Variants in GPC5 observed in about 807,000 individuals in gnomAD.
The protein encoded by GPC5 is glypican-5.
In GPC5, 47 loss-of-function variants were observed where a neutral mutation model predicts 53.9. The ratio of observed to expected loss-of-function variants is 0.87; its 90% CI spans 0.69 to 1.11. The LOEUF (loss-of-function observed/expected upper bound fraction) is 1.11. Among genes scored for constraint, GPC5 ranks in the 50% most tolerant of loss-of-function variants. The pLI, the probability that GPC5 is intolerant of heterozygous loss-of-function variation, is 0.00. For missense variants in GPC5, 748 were observed against 713.1 expected (o/e 1.05, Z -0.56); for synonymous variants, 286 against 263.3 (o/e 1.09, Z -0.84).
At chr13:91,502,967 T>C (rs1204450966) in intron 2 of GPC5, among the ~76,000 whole-genome samples, 2 of 152,202 alleles carry the variant, frequency 1.3e-5, no homozygotes, top group African/African-American at 4.8e-5. Flanking sequence ...TAAACACTTT[T>C]ATTATTCAGC....
At chr13:92,761,376 T>A (rs1392641094) in intron 7 of GPC5, among the ~76,000 whole-genome samples, 1 of 152,206 alleles carries the variant, frequency 6.6e-6, no homozygotes, top group East Asian at 1.9e-4. Context: ...CAATGTTGGA[T>A]GTATATATAT....
chr13:91,729,334 C>G (rs989174929), intron 4 of GPC5, among the ~76,000 whole-genome samples: 1 of 151,972 alleles, frequency 6.6e-6, no homozygotes, highest in Admixed American at 6.6e-5. Flanking sequence ...ATGTAAAGCT[C>G]TTAAAACTAG....
At chr13:92,517,794 C>G (rs567820908) in intron 7 of GPC5, among the ~76,000 whole-genome samples, 78 of 152,332 alleles carry the variant, frequency 5.1e-4, no homozygotes, top group African/African-American at 1.7e-3. Context: ...CAAAGGAATG[C>G]AGCTACTCGC....
chr13:91,570,058 A>G (rs1176155032), intron 2 of GPC5, among the ~76,000 whole-genome samples: 1 of 152,228 alleles, frequency 6.6e-6, no homozygotes, highest in Non-Finnish European at 1.5e-5. Context: ...GGAAAAAATG[A>G]TTAAACAGAA....
chr13:92,541,354 G>A (rs191417521), intron 7 of GPC5, among the ~76,000 whole-genome samples: 51 of 151,504 alleles, frequency 3.4e-4, no homozygotes, highest in African/African-American at 1.1e-3. Flanking sequence ...TTTATTACGG[G>A]GAAATAAGAA....
At chr13:91,418,788 GGT>G (rs1215391453) in intron 1 of GPC5, among the ~76,000 whole-genome samples, 1 of 152,040 alleles carries the variant, frequency 6.6e-6, no homozygotes, top group Non-Finnish European at 1.5e-5. Context: ...TTCTTTTCCA[GGT>G]GTGAGATTAG....
chr13:91,525,344 G>T (rs2138620033), intron 2 of GPC5, among the ~76,000 whole-genome samples: 1 of 152,250 alleles, frequency 6.6e-6, no homozygotes, highest in South Asian at 2.1e-4. Context: ...AATTTTAAAT[G>T]CTATTTGGTA....
chr13:92,273,590 A>G (rs2042854829), intron 7 of GPC5, among the ~76,000 whole-genome samples: 1 of 152,118 alleles, frequency 6.6e-6, no homozygotes. Flanking sequence ...TACCAAAACA[A>G]AGGAAATTCC....
intron 6 of GPC5, among the ~76,000 whole-genome samples, chr13:92,058,141 T>C (rs1186071314): frequency 6.6e-6 from 1 of 152,196 alleles, no homozygotes; most frequent in Admixed American, 6.5e-5. Flanking sequence ...ACTGTTGTGG[T>C]TCCAACAGCT....
chr13:92,556,244 T>C (rs1882489373), intron 7 of GPC5, among the ~76,000 whole-genome samples: 1 of 151,836 alleles, frequency 6.6e-6, no homozygotes, highest in Admixed American at 6.6e-5. Flanking sequence ...AAACAATGTA[T>C]ACATCTGCCA....
At chr13:91,861,482 T>C (rs902236690) in intron 5 of GPC5, among the ~76,000 whole-genome samples, 1 of 152,110 alleles carries the variant, frequency 6.6e-6, no homozygotes, top group Non-Finnish European at 1.5e-5. Flanking sequence ...TCTCTGATAA[T>C]GCATCCCCTT....
intron 5 of GPC5, among the ~76,000 whole-genome samples, chr13:91,761,263 G>A (rs2037405772): frequency 6.6e-6 from 1 of 152,092 alleles, no homozygotes; most frequent in African/African-American, 2.4e-5. Context: ...GCCAGTATCT[G>A]TTAAGTACCT....
intron 4 of GPC5, among the ~76,000 whole-genome samples, chr13:91,734,961 A>C (rs1267011250): frequency 6.7e-6 from 1 of 150,254 alleles, no homozygotes; most frequent in African/African-American, 2.5e-5. Flanking sequence ...AAATGTATTT[A>C]TTGGTAGAAG....
chr13:91,510,908 T>C (rs1885199375), intron 2 of GPC5, among the ~76,000 whole-genome samples: 1 of 152,174 alleles, frequency 6.6e-6, no homozygotes, highest in African/African-American at 2.4e-5. Flanking sequence ...TTAATGAGGC[T>C]TATCTTATTC....
intron 3 of GPC5, among the ~76,000 whole-genome samples, chr13:91,700,082 T>C (rs7990639): frequency 0.018 from 2,716 of 152,292 alleles, 87 homozygotes; most frequent in African/African-American, 0.062. Flanking sequence ...CTGGTAGGAA[T>C]TTTCTTCACA....
chr13:92,444,054 A>G (rs1877691793), intron 7 of GPC5, among the ~76,000 whole-genome samples: 1 of 152,210 alleles, frequency 6.6e-6, no homozygotes, highest in African/African-American at 2.4e-5. Flanking sequence ...ACTTGAAGGT[A>G]ATAATGGAGT....
At position 91,981,439 on chromosome 13, in the gene GPC5, G is replaced by A. The variant is rs372254251; in HGVS notation, c.1401+73382G>A. On this transcript the variant is annotated intron_variant, in intron 6 of 7. Transcript: ENST00000377067. ...CAAGTAGCTGGGACTACAGGTGCCC[G>A]CCACTACGCCCGGCTAATTTTTTGT... 5.9e-5 allele frequency among the ~76,000 whole-genome samples: 9 copies of A among 152,180 alleles called. No individual in the cohort carries two copies. The South Asian group carries it at 6.2e-4, about 11-fold the overall frequency.
chr13:92,403,318 A>T (rs192675688), intron 7 of GPC5, among the ~76,000 whole-genome samples: 1 of 152,178 alleles, frequency 6.6e-6, no homozygotes. Context: ...ACCCATTAGC[A>T]TGTTAAATCA....
chr13:91,929,822 T>C lies in GPC5; in HGVS notation c.1401+21765T>C, dbSNP rs7981789. Reference sequence around the variant, plus strand: ...TCTCTCAGATTTTCTATTTTTTTTTTATTTACGACTTTGGAAACATTTCAT... The same window carrying C: ...TCTCTCAGATTTTCTATTTTTTTTTCATTTACGACTTTGGAAACATTTCAT... On this transcript the variant is annotated intron_variant, in intron 6 of 7. Coordinates refer to ENST00000377067, the MANE Select transcript of GPC5 (RefSeq NM_004466.6). Among the ~76,000 whole-genome samples, 833 of 152,164 alleles carry C rather than the reference T, an allele frequency of 5.5e-3. 15 individuals carry two copies. Among genetic ancestry groups the C allele is most frequent in the African/African-American group, 0.019 (801 of 41,560 alleles).
Sources: gnomAD v4.1 joint callset for allele counts (sites outside exome capture counted in the v4.1 genomes callset) on GRCh38, gnomAD v4.1.1 for gene constraint, MANE v1.5 for transcripts, NCBI Gene and HGNC (gene_info 2026-07-23, HGNC 2026-07-21) for gene names.